The following BCAT1 variants were observed in gnomAD, a reference collection of about 807,000 sequenced individuals.
The protein encoded by BCAT1 is branched chain amino acid transaminase 1, also known as branched-chain-amino-acid aminotransferase, cytosolic.
A neutral mutation model predicts 52.4 loss-of-function variants in BCAT1; 48 were observed. The ratio of observed to expected loss-of-function variants is 0.92; its 90% confidence interval spans 0.73 to 1.16. BCAT1 has a LOEUF of 1.16. Among genes scored for constraint, BCAT1 ranks in the 50% most tolerant of loss-of-function variants. The pLI, the probability that BCAT1 is intolerant of heterozygous loss-of-function variation, is 0.00. For synonymous variants in BCAT1, 167 were observed against 161.3 expected (o/e 1.04, Z -0.27); for missense variants, 451 against 457.1 (o/e 0.99, Z 0.12).
At chr12:24,834,264 A>G (rs1047153010) in intron 8 of BCAT1, 3 of 984,972 alleles carry the variant, frequency 3.0e-6, no homozygotes, top group Non-Finnish European at 3.6e-6. Flanking sequence ...TATGACTAAC[A>G]GTTGACTTTA....
intron 3 of BCAT1, among the ~76,000 whole-genome samples, chr12:24,887,080 A>AAAAAAAATATAT (rs1245203518): frequency 2.2e-4 from 9 of 40,742 alleles, no homozygotes; most frequent in East Asian, 7.6e-4. Context: ...AAAAAAAAAA[A>AAAAAAAATATAT]ATATATATAT....
chr12:24,941,173 G>C (rs1943842084), intron 1 of BCAT1, among the ~76,000 whole-genome samples: 1 of 152,158 alleles, frequency 6.6e-6, no homozygotes, highest in Non-Finnish European at 1.5e-5. Flanking sequence ...GTGGTGTTCA[G>C]TTTATATTCC....
At chr12:24,877,906 G>C (rs1029033371) in intron 5 of BCAT1, among the ~76,000 whole-genome samples, 1 of 152,098 alleles carries the variant, frequency 6.6e-6, no homozygotes, top group African/African-American at 2.4e-5. Context: ...GTAATCCCAG[G>C]ACTTTGGGAG....
chr12:24,839,365 G>A (rs1484964125), intron 7 of BCAT1, among the ~76,000 whole-genome samples: 1 of 152,204 alleles, frequency 6.6e-6, no homozygotes, highest in Non-Finnish European at 1.5e-5. Context: ...GACTCATGAT[G>A]TGGCCTGAGC....
At chr12:24,819,779 G>A (rs1278221328) in intron 10 of BCAT1, among the ~76,000 whole-genome samples, 1 of 152,164 alleles carries the variant, frequency 6.6e-6, no homozygotes, top group African/African-American at 2.4e-5. Flanking sequence ...TACATGCAAA[G>A]GGGAATAAAG....
At chr12:24,910,808 T>G (rs1468548896) in intron 1 of BCAT1, among the ~76,000 whole-genome samples, 3 of 152,098 alleles carry the variant, frequency 2.0e-5, no homozygotes, top group Non-Finnish European at 1.5e-5. Context: ...ATGGAGAACT[T>G]ATAATAAGAA....
rs929728242 is a variant in BCAT1, at chr12:24,817,115, G to C, written c.*893C>G. 8.5e-5 allele frequency: 13 copies of C among 152,372 alleles called. No homozygotes were observed. The highest frequency in any genetic ancestry group is 3.1e-4 in the African/African-American group (13 of 41,446). 9.4% of individuals were successfully genotyped at this position (152,372 alleles called of 1,614,324 possible). Reference sequence around the variant, plus strand: ...GATTTCCTAAACTAACTATGCTTCAGAGTATCTCTAATGACTTAGTAGCTC... The same window carrying C: ...GATTTCCTAAACTAACTATGCTTCACAGTATCTCTAATGACTTAGTAGCTC... On this transcript the variant is annotated 3_prime_UTR_variant, in exon 11 of 11. Transcript: ENST00000261192.
chr12:24,926,808 A>G (rs1334859870), intron 1 of BCAT1, among the ~76,000 whole-genome samples: 1 of 152,196 alleles, frequency 6.6e-6, no homozygotes, highest in Non-Finnish European at 1.5e-5. Flanking sequence ...GTACCCAGGG[A>G]CACAAACACT....
intron 1 of BCAT1, among the ~76,000 whole-genome samples, chr12:24,934,936 C>G (rs1591888943): frequency 2.6e-5 from 4 of 152,326 alleles, no homozygotes; most frequent in South Asian, 2.1e-4. Flanking sequence ...GTTTTAGGGT[C>G]TCTTGATCAA....
chr12:24,868,738 T>A (rs1007664270), intron 5 of BCAT1, among the ~76,000 whole-genome samples: 9 of 152,346 alleles, frequency 5.9e-5, no homozygotes, highest in Middle Eastern at 3.4e-3. Flanking sequence ...TAACAAAAAA[T>A]TTCTTTAAAA....
intron 1 of BCAT1, chr12:24,945,748 T>C (rs12320957): frequency 0.056 from 8,593 of 152,160 alleles, 262 homozygotes; most frequent in Middle Eastern, 0.085. Flanking sequence ...TGCTTGAACC[T>C]AGGAGGCAGA....
At chr12:24,895,512 C>T (rs1013003096) in intron 2 of BCAT1, among the ~76,000 whole-genome samples, 4 of 143,138 alleles carry the variant, frequency 2.8e-5, no homozygotes, top group Non-Finnish European at 4.5e-5. Context: ...GGAGACAGAG[C>T]AAGACTCTGT....
At chr12:24,936,891 G>T (rs1182344910) in intron 1 of BCAT1, among the ~76,000 whole-genome samples, 1 of 151,982 alleles carries the variant, frequency 6.6e-6, no homozygotes, top group Non-Finnish European at 1.5e-5. Flanking sequence ...TCCATCTCAA[G>T]ATCCATAACT....
intron 6 of BCAT1, 69 bp from the exon 7 acceptor site, chr12:24,842,293 G>C: frequency 6.5e-7 from 1 of 1,546,264 alleles, no homozygotes. Flanking sequence ...TCTACCCTCT[G>C]ATAGCCTCAA....
At chr12:24,865,280 A>C (rs1490064596) in intron 5 of BCAT1, among the ~76,000 whole-genome samples, 2 of 152,148 alleles carry the variant, frequency 1.3e-5, no homozygotes, top group Non-Finnish European at 2.9e-5. Context: ...CAAACAAAAA[A>C]AGACTTCTTT....
At chr12:24,841,586 CA>C (rs962856543) in intron 7 of BCAT1, among the ~76,000 whole-genome samples, 8 of 152,168 alleles carry the variant, frequency 5.3e-5, no homozygotes, top group African/African-American at 1.7e-4. Context: ...AAACGAAAAA[CA>C]AAAAACCTCT....
At chr12:24,914,940 T>A (rs1371226744) in intron 1 of BCAT1, among the ~76,000 whole-genome samples, 1 of 152,174 alleles carries the variant, frequency 6.6e-6, no homozygotes, top group African/African-American at 2.4e-5. Flanking sequence ...AAGACTAGAA[T>A]CTAATAACAA....
chr12:24,924,715 TAA>T (rs1386194363), intron 1 of BCAT1, among the ~76,000 whole-genome samples: 1 of 152,010 alleles, frequency 6.6e-6, no homozygotes, highest in East Asian at 1.9e-4. Context: ...AACATAACTA[TAA>T]AGAGTAATAT....
chr12:24,926,631 T>G (rs1445830503), intron 1 of BCAT1, among the ~76,000 whole-genome samples: 1 of 152,180 alleles, frequency 6.6e-6, no homozygotes, highest in African/African-American at 2.4e-5. Flanking sequence ...TCTTCTGCCT[T>G]GGGATGCTGT....
Sources: gnomAD v4.1 joint callset for allele counts (sites outside exome capture counted in the v4.1 genomes callset) on GRCh38, gnomAD v4.1.1 for gene constraint, MANE v1.5 for transcripts, NCBI Gene and HGNC (gene_info 2026-07-23, HGNC 2026-07-21) for gene names.